Variants in UNC80 observed in about 807,000 individuals in gnomAD.
The protein encoded by UNC80 is protein unc-80 homolog.
Under a neutral mutation model 384.6 loss-of-function variants are expected in UNC80, and 164 were observed. The ratio of observed to expected loss-of-function variants is 0.43; its 90% CI spans 0.38 to 0.49. The LOEUF is 0.49. UNC80 is among the 20% of genes least tolerant of loss of function. UNC80 has a pLI of 0.00. For missense variants in UNC80, 3,330 were observed against 4,143.0 expected (o/e 0.80, Z 5.39); for synonymous variants, 1,486 against 1,527.8 (o/e 0.97, Z 0.64).
At chr2:209,877,845 G>A in intron 23 of UNC80, 109 bp from the exon 24 acceptor site, 1 of 1,265,646 alleles carries the variant, frequency 7.9e-7, no homozygotes, top group Non-Finnish European at 1.0e-6. Flanking sequence ...AGAGGCTTAT[G>A]CTGGAAATAA....
rs1464696785 is a variant in UNC80, at chr2:209,993,316, T to C, written c.9398T>C (p.Leu3133Pro). 3.9e-6 allele frequency: 6 copies of C among 1,551,674 alleles called. No homozygotes were observed. The African/African-American group carries it at 6.8e-5, about 18-fold the overall frequency. The change falls in exon 63 of 65, where the codon CTA (leucine) becomes CCA (proline). Residue 3133 changes from leucine to proline, a missense_variant and splice_region_variant. Physicochemically the swap from Leu to Pro is moderately conservative, Grantham distance 98. Around this residue, in one of 8 missense-constraint regions of UNC80, gnomAD observed 236 missense variants for 254.9 expected, o/e 0.93. Coordinates refer to ENST00000673920, the MANE Select transcript of UNC80 (RefSeq NM_001371986.1). ...PLGRKRGLRQ[L>P]RRPLLSRQKT... ...TTTTATTCTGCCTATTCTCTTTAGC[T>C]AAGACGTCCTCTACTATCACGTCAG... is the stretch of plus-strand genomic sequence containing the variant.
Position 209,839,942 on chromosome 2 carries a change from G to A in UNC80, c.3250+512G>A, listed in dbSNP as rs914417333. Among the ~76,000 whole-genome samples, 3 of 152,110 alleles carry A rather than the reference G, an allele frequency of 2.0e-5. No homozygotes were observed. The highest frequency in any genetic ancestry group is 6.5e-5 in the Admixed American group (1 of 15,280). On this transcript the variant is annotated intron_variant, in intron 19 of 64. Transcript: ENST00000673920. This position sits in a 1 kb window ranked among gnomAD's most constrained non-coding sequence, Gnocchi z 4.1. ...TAGCCATTATTTGCAAAGATATTAG[G>A]AGGCTGAAGGGAAGTGAAGGAACTG...
Position 209,939,519 on chromosome 2 carries a change from C to A in UNC80, c.6513C>A (p.Ile2171=). 1.3e-6 allele frequency: 2 copies of A among 1,551,378 alleles called. No homozygotes were observed. Among genetic ancestry groups the A allele is most frequent in the Non-Finnish European group, 8.7e-7 (1 of 1,146,814 alleles). The change falls in exon 43 of 65, where the codon ATC becomes ATA. Residue 2171 remains isoleucine, a synonymous_variant. Coordinates refer to ENST00000673920, the MANE Select transcript of UNC80 (RefSeq NM_001371986.1). Reference sequence around the variant, plus strand: ...AAGTAGGGCGGGTGTTGTTTCTCATCTCCCTAACCCAGAAGATCCCCACAG... The same window carrying A: ...AAGTAGGGCGGGTGTTGTTTCTCATATCCCTAACCCAGAAGATCCCCACAG... ...LEEVGRVLFL[I]SLTQKIPTAH...
Position 209,915,974 on chromosome 2 carries a change from A to G in UNC80, c.5030-1803A>G, listed in dbSNP as rs2089491333. On this transcript the variant is annotated intron_variant, in intron 31 of 64. Coordinates refer to ENST00000673920, the MANE Select transcript of UNC80 (RefSeq NM_001371986.1). ...CATTACATTCTATTCATATAACAAA[A>G]TACCACATGTACTCCATGTGTACAA... Among the ~76,000 whole-genome samples the G allele has an allele frequency of 2.6e-5, 4 of 152,350 alleles. No individual in the cohort carries two copies. In the South Asian group the frequency reaches 8.3e-4, roughly 32 times the overall value.
At chr2:209,923,040 TAA>T (rs1254670420) in intron 35 of UNC80, among the ~76,000 whole-genome samples, 4 of 152,236 alleles carry the variant, frequency 2.6e-5, no homozygotes, top group Admixed American at 2.0e-4. Flanking sequence ...ATTCTGGATA[TAA>T]GTCACTTATC....
intron 5 of UNC80, 43 bp downstream of exon 5, chr2:209,786,232 C>T (rs371714030): frequency 6.3e-7 from 1 of 1,590,314 alleles, no homozygotes; most frequent in Non-Finnish European, 8.6e-7. Flanking sequence ...TAGCAGATTC[C>T]CTCACACACA....
intron 21 of UNC80, among the ~76,000 whole-genome samples, chr2:209,844,484 C>CTTTCTTT (rs1559186028): frequency 4.8e-5 from 3 of 62,968 alleles, no homozygotes; most frequent in Non-Finnish European, 9.2e-5. Context: ...TCTTTCCTTC[C>CTTTCTTT]TTCCTTCCTT....
rs577801702 is a variant in UNC80 at position 209,972,219 on chromosome 2, C to T, written c.8275C>T (p.Pro2759Ser). Residue 2759 changes from proline to serine, a missense_variant, in exon 55 of 65, where the codon CCT becomes TCT. This residue lies in a region of UNC80 where 1,049 missense variants were observed against 1,488.6 expected (regional missense o/e 0.70). Coordinates refer to ENST00000673920, the MANE Select transcript of UNC80 (RefSeq NM_001371986.1). ...LQIQALKEDF[P>S]LSHVISPFTN... ...TGCACAGGCTTTAAAAGAAGATTTT[C>T]CTTTAAGCCATGTGATCTCCCCATT... The T allele has an allele frequency of 6.4e-7, 1 of 1,551,034 alleles. No individual in the cohort carries two copies. Among genetic ancestry groups the T allele is most frequent in the Non-Finnish European group, 8.7e-7 (1 of 1,146,704 alleles).
intron 4 of UNC80, among the ~76,000 whole-genome samples, chr2:209,778,991 C>T (rs757190063): frequency 6.6e-6 from 1 of 152,184 alleles, no homozygotes; most frequent in African/African-American, 2.4e-5. Context: ...AGATTTGAAA[C>T]CACCTATAAA....
chr2:209,930,279 G>A (rs1175862925), intron 37 of UNC80, among the ~76,000 whole-genome samples: 1 of 152,032 alleles, frequency 6.6e-6, no homozygotes, highest in Non-Finnish European at 1.5e-5. Context: ...ATGCTTGGCA[G>A]TCTGATGCAG....
At chr2:209,942,237 G>T (rs146357974) in intron 44 of UNC80, among the ~76,000 whole-genome samples, 14 of 152,036 alleles carry the variant, frequency 9.2e-5, no homozygotes, top group African/African-American at 3.4e-4. Context: ...ACCATCCCCC[G>T]CACTCACCCT....
intron 22 of UNC80, among the ~76,000 whole-genome samples, chr2:209,849,947 A>C (rs1309893226): frequency 6.6e-6 from 1 of 152,054 alleles, no homozygotes; most frequent in Non-Finnish European, 1.5e-5. Context: ...GGCTAGTGCG[A>C]AAACTAAATG....
intron 7 of UNC80, among the ~76,000 whole-genome samples, chr2:209,799,759 A>G (rs1010264300): frequency 2.0e-5 from 3 of 152,160 alleles, no homozygotes; most frequent in African/African-American, 7.2e-5. Flanking sequence ...TTACCTAGGT[A>G]TTGAGAATTT....
Position 209,831,483 on chromosome 2 carries a change from C to A in UNC80, c.2667C>A (p.Asn889Lys), listed in dbSNP as rs768931804. Residue 889 changes from asparagine (N) to lysine (K), a missense_variant, in exon 16 of 65, where the codon AAC becomes AAA. Physicochemically the swap from Asn to Lys is moderately conservative, Grantham distance 94. Coordinates refer to ENST00000673920, the MANE Select transcript of UNC80 (RefSeq NM_001371986.1). ...GAAATAACTTCACCACAGTGGACAA[C>A]AAATCCACAGCCCAAAATGTGGAAG... ...GFGNNFTTVD[N>K]KSTAQNVEGI... 3.6e-5 allele frequency: 56 copies of A among 1,551,062 alleles called. No individual in the cohort carries two copies. The highest frequency in any genetic ancestry group is 1.7e-4 in the Middle Eastern group (1 of 6,006).
chr2:209,923,307 GTCTAATCCAAGGTCACA>G (rs2090180634), intron 35 of UNC80, among the ~76,000 whole-genome samples: 1 of 152,102 alleles, frequency 6.6e-6, no homozygotes, highest in African/African-American at 2.4e-5. Flanking sequence ...GTCACAATTT[GTCTAATCCAAGGTCACA>G]AAGATTTACT....
Position 209,959,671 on chromosome 2 carries a change from T to C in UNC80, c.7769T>C (p.Ile2590Thr), listed in dbSNP as rs1398904949. The C allele has an allele frequency of 6.4e-7, 1 of 1,551,656 alleles. No homozygotes were observed. Among genetic ancestry groups the C allele is most frequent in the East Asian group, 2.4e-5 (1 of 40,920 alleles). Reference protein sequence around the residue: ...LQNLAGEPRVIALELLDVKSH... With the variant: ...LQNLAGEPRVTALELLDVKSH... ...AATCTGGCTGGGGAGCCTCGGGTCA[T>C]TGCCTTGGAACTGCTGGATGTGAAG... The change falls in exon 51 of 65, where the codon ATT becomes ACT. Residue 2590 changes from isoleucine (I) to threonine (T), a missense_variant. Ile to Thr is a moderately conservative substitution (Grantham distance 89). Coordinates refer to ENST00000673920, the MANE Select transcript of UNC80 (RefSeq NM_001371986.1).
intron 47 of UNC80, 32 bp downstream of exon 47, chr2:209,945,975 A>G (rs1318303603): frequency 2.2e-6 from 3 of 1,375,292 alleles, no homozygotes; most frequent in East Asian, 2.5e-5. Context: ...GTGCCTTGTG[A>G]TAAGTAAATA....
intron 29 of UNC80, among the ~76,000 whole-genome samples, chr2:209,910,149 A>AT (rs2124938113): frequency 6.6e-6 from 1 of 151,716 alleles, no homozygotes; most frequent in Non-Finnish European, 1.5e-5. Context: ...TGTTTCCAGA[A>AT]TTTATCACTA....
intron 4 of UNC80, among the ~76,000 whole-genome samples, chr2:209,783,823 T>C (rs2077278208): frequency 6.6e-6 from 1 of 152,142 alleles, no homozygotes; most frequent in Non-Finnish European, 1.5e-5. Flanking sequence ...GCTTCCTGTA[T>C]TTGTAGAGAC....
Sources: allele counts gnomAD v4.1 joint callset (sites outside exome capture counted in the v4.1 genomes callset), GRCh38; gene constraint gnomAD v4.1.1; regional missense constraint gnomAD v4.1.1; non-coding constraint Gnocchi (gnomAD v3.1); transcripts MANE v1.5; gene names NCBI Gene and HGNC (gene_info 2026-07-23, HGNC 2026-07-21).